Variants in ARMCX3 observed in about 807,000 individuals in gnomAD.
ARMCX3 encodes the protein armadillo repeat-containing X-linked protein 3.
In ARMCX3, 3 loss-of-function variants were observed where a neutral mutation model predicts 12.6. That is an observed-to-expected ratio of 0.24 (90% CI 0.11 to 0.61). The LOEUF is 0.61. Among genes scored for constraint, ARMCX3 ranks in the 20% least tolerant of loss-of-function variants. The probability of loss-of-function intolerance (pLI) is 0.88; values close to 1 mark genes in which losing one functional copy is unlikely to be tolerated. For synonymous variants in ARMCX3, 102 were observed against 103.1 expected (o/e 0.99, Z 0.06); for missense variants, 204 against 286.1 (o/e 0.71, Z 2.07).
rs1935983476 is a variant in ARMCX3, at chrX:101,626,066, G to C, written c.1087G>C (p.Gly363Arg). The change falls in exon 5 of 5, where the codon GGA becomes CGA. Residue 363 changes from glycine (G) to arginine (R), a missense_variant. By Grantham distance (125) the Gly-to-Arg change is moderately radical (BLOSUM62 -2). Transcript: ENST00000471229. ...HHDFLVKVKV[G>R]KFMAKLAEHM... The stretch of plus-strand genomic sequence containing the variant: ...TGATTTTTTGGTGAAAGTAAAAGTT[G>C]GAAAATTCATGGCCAAACTTGCTGA... The C allele has an allele frequency of 8.4e-7, 1 of 1,191,121 alleles. No individual in the cohort carries two copies. The highest frequency in any genetic ancestry group is 1.8e-5 in the African/African-American group (1 of 56,002).
Position 101,624,939 on chromosome X carries a change from T to G in ARMCX3, c.-41T>G, listed in dbSNP as rs1556038214. The G allele has an allele frequency of 9.3e-7, 1 of 1,079,796 alleles. No individual in the cohort carries two copies. Among genetic ancestry groups the G allele is most frequent in the African/African-American group, 1.9e-5 (1 of 53,427 alleles). The allele number at this position is 1,079,796 out of a possible 1,213,427, so 89.0% of individuals were successfully genotyped here. A position where few individuals can be genotyped will look rare whatever the true frequency, so the allele number is the denominator to read the frequency against. On this transcript the variant is annotated 5_prime_UTR_variant, in exon 5 of 5. Transcript: ENST00000471229. ...GCCTTCCTCCCCCAGCCTGAGTGAC[T>G]ACTCTATTCCTTGGTCCCTGCTATT... is the stretch of plus-strand genomic sequence containing the variant.
chrX:101,625,427 G>T lies in ARMCX3; in HGVS notation c.448G>T (p.Ala150Ser). The T allele has an allele frequency of 8.3e-7, 1 of 1,204,527 alleles. No homozygotes were observed. Among genetic ancestry groups the T allele is most frequent in the Non-Finnish European group, 1.1e-6 (1 of 892,131 alleles). ...EAALIALGNN[A>S]AYAFNRDIIR... ...AGCTTTAATTGCTCTGGGTAACAAT[G>T]CTGCTTATGCATTTAACAGAGATAT... Residue 150 changes from alanine (A) to serine (S), a missense_variant, in exon 5 of 5, where the codon GCT (alanine) becomes TCT (serine). By Grantham distance (99) the Ala-to-Ser change is moderately conservative (BLOSUM62 1). Coordinates refer to ENST00000471229, the MANE Select transcript of ARMCX3 (RefSeq NM_177947.3).
rs781968770 is a variant in ARMCX3, at chrX:101,625,825, G to A, written c.846G>A (p.Arg282=). Residue 282 remains arginine, a synonymous_variant, in exon 5 of 5, where the codon AGG becomes AGA. Transcript: ENST00000471229. Reference sequence around the variant, plus strand: ...CAGCCATGACTAGGGAACTGCTCAGGGCCCAAGTACCATCTTCACTGGGCT... The same window carrying A: ...CAGCCATGACTAGGGAACTGCTCAGAGCCCAAGTACCATCTTCACTGGGCT... The part of the protein sequence containing the change: ...ENPAMTRELL[R]AQVPSSLGSL... The A allele has an allele frequency of 7.1e-5, 85 of 1,203,239 alleles. No homozygotes were observed. The highest frequency in any genetic ancestry group is 7.3e-5 in the Non-Finnish European group (65 of 891,685).
In ARMCX3 at chrX:101,625,616, A is replaced by C; in HGVS notation, c.637A>C (p.Thr213Pro). The change falls in exon 5 of 5, where the codon ACT becomes CCT. Residue 213 changes from threonine (T) to proline (P), a missense_variant. By Grantham distance (38) the Thr-to-Pro change is conservative. Coordinates refer to ENST00000471229, the MANE Select transcript of ARMCX3 (RefSeq NM_177947.3). ...GAATCAAGTGTGTGATGACACAATCACTTCTCGCTTGAACTCATCTGTGCA... is the reference window on the plus strand; with the variant it reads ...GAATCAAGTGTGTGATGACACAATCCCTTCTCGCTTGAACTCATCTGTGCA... ...YMNQVCDDTI[T>P]SRLNSSVQLA... 2 of 1,193,218 alleles carry C rather than the reference A, an allele frequency of 1.7e-6. No homozygotes were observed. The highest frequency in any genetic ancestry group is 2.3e-6 in the Non-Finnish European group (2 of 887,492).
In ARMCX3 at chrX:101,625,305, C is replaced by T. The variant is rs782490463; in HGVS notation, c.326C>T (p.Ala109Val). 1 of 1,209,663 alleles carries T rather than the reference C, an allele frequency of 8.3e-7. No homozygotes were observed. Among genetic ancestry groups the T allele is most frequent in the South Asian group, 1.8e-5 (1 of 56,351 alleles). The change falls in exon 5 of 5, where the codon GCT becomes GTT. Residue 109 changes from alanine (A) to valine (V), a missense_variant. Ala to Val is a moderately conservative substitution (Grantham distance 64). Coordinates refer to ENST00000471229, the MANE Select transcript of ARMCX3 (RefSeq NM_177947.3). ...TRARRAVQKR[A>V]SPNSDDTVLS... is the part of the protein sequence containing the mutation. ...GCACGTCGGGCTGTCCAGAAACGGG[C>T]TTCCCCCAATTCAGATGATACCGTT... is the stretch of plus-strand genomic sequence containing the variant.
rs782061543 is a variant in ARMCX3, at chrX:101,625,153, T to C, written c.174T>C (p.Asn58=). The C allele has an allele frequency of 5.3e-5, 64 of 1,208,389 alleles. No homozygotes were observed. Among genetic ancestry groups the C allele is most frequent in the Non-Finnish European group, 6.8e-5 (61 of 895,083 alleles). The part of the protein sequence containing the change: ...DAGDCSGARY[N]DWSDDDDDSN... ...GGGACTGTTCTGGGGCCAGGTATAA[T>C]GACTGGTCTGATGATGATGATGACA... The change falls in exon 5 of 5, where the codon AAT becomes AAC. Residue 58 remains asparagine (N), a synonymous_variant. Coordinates refer to ENST00000471229, the MANE Select transcript of ARMCX3 (RefSeq NM_177947.3).
Position 101,626,336 on chromosome X carries a change from C to T in ARMCX3, c.*217C>T. The T allele has an allele frequency of 3.1e-6, 1 of 322,430 alleles. No individual in the cohort carries two copies. The highest frequency in any genetic ancestry group is 5.5e-6 in the Non-Finnish European group (1 of 182,752). 26.6% of individuals were successfully genotyped at this position (322,430 alleles called of 1,213,427 possible). ...TGAAAACATGTTTGTTGCTTTTTATCTCGCTGCCTAGATTGAAATATTTTG... is the reference window on the plus strand; with the variant it reads ...TGAAAACATGTTTGTTGCTTTTTATTTCGCTGCCTAGATTGAAATATTTTG... On this transcript the variant is annotated 3_prime_UTR_variant, in exon 5 of 5. Transcript: ENST00000471229.
In ARMCX3 at chrX:101,626,147, CA is replaced by C; in HGVS notation, c.*29del. ...CCTTGATTTTGTAATTTAGAAGCAA[CA>C]CACATTGTAAACTATTCATTTTCTC... On this transcript the variant is annotated 3_prime_UTR_variant, in exon 5 of 5. Coordinates refer to ENST00000471229, the MANE Select transcript of ARMCX3 (RefSeq NM_177947.3). 1.8e-6 allele frequency: 2 copies of C among 1,115,289 alleles called. No homozygotes were observed. Among genetic ancestry groups the C allele is most frequent in the South Asian group, 4.4e-5 (2 of 45,033 alleles). 91.9% of individuals were successfully genotyped at this position (1,115,289 alleles called of 1,213,427 possible). A position where few individuals can be genotyped will look rare whatever the true frequency, so the allele number is the denominator to read the frequency against.
In ARMCX3 at chrX:101,626,225, G is replaced by C; in HGVS notation, c.*106G>C. ...CTTTCAGCTGCCAGTTTTGAATAAT[G>C]AATATCATATTGTATCATCAATGCT... On this transcript the variant is annotated 3_prime_UTR_variant, in exon 5 of 5. Coordinates refer to ENST00000471229, the MANE Select transcript of ARMCX3 (RefSeq NM_177947.3). 1.4e-6 allele frequency: 1 copy of C among 724,477 alleles called. No homozygotes were observed. Among genetic ancestry groups the C allele is most frequent in the Middle Eastern group, 4.6e-4 (1 of 2,190 alleles). The allele number at this position is 724,477 out of a possible 1,213,427, so 59.7% of individuals were successfully genotyped here.
chrX:101,624,049 G>C (rs1434677589), intron 2 of ARMCX3, 109 bp from the exon 3 acceptor site: 1 of 112,589 alleles, frequency 8.9e-6, no homozygotes, highest in African/African-American at 3.3e-5. Flanking sequence ...GTCTGTGGTT[G>C]GGGGGAAGTG....
At position 101,626,325 on chromosome X, in the gene ARMCX3, T is replaced by C. The variant is rs1209622288; in HGVS notation, c.*206T>C. 9 of 337,185 alleles carry C rather than the reference T, an allele frequency of 2.7e-5. No homozygotes were observed. The highest frequency in any genetic ancestry group is 1.7e-4 in the Admixed American group (3 of 17,292). 27.8% of individuals were successfully genotyped at this position (337,185 alleles called of 1,213,427 possible). A position where few individuals can be genotyped will look rare whatever the true frequency, so the allele number is the denominator to read the frequency against. ...ACTACTTGTTCTGAAAACATGTTTG[T>C]TGCTTTTTATCTCGCTGCCTAGATT... is the stretch of plus-strand genomic sequence containing the variant. On this transcript the variant is annotated 3_prime_UTR_variant, in exon 5 of 5. Transcript: ENST00000471229.
rs1354794268 is a variant in ARMCX3 at position 101,623,207 on chromosome X, C to T, written c.-428C>T. ...GTCTGAGTACCAGCTCCCCACTGCC[C>T]TGAGGGCGGGCCGGCCTGCGGCGGA... On this transcript the variant is annotated 5_prime_UTR_variant, in exon 1 of 5. Transcript: ENST00000471229. The T allele has an allele frequency of 8.8e-6, 1 of 113,218 alleles. No individual in the cohort carries two copies. The highest frequency in any genetic ancestry group is 3.2e-5 in the African/African-American group (1 of 30,962). 9.3% of individuals were successfully genotyped at this position (113,218 alleles called of 1,213,427 possible). A position where few individuals can be genotyped will look rare whatever the true frequency, so the allele number is the denominator to read the frequency against.
chrX:101,625,345 G>A lies in ARMCX3; in HGVS notation c.366G>A (p.Glu122=), dbSNP rs1935969422. 8.3e-7 allele frequency: 1 copy of A among 1,209,641 alleles called. No homozygotes were observed. Among genetic ancestry groups the A allele is most frequent in the Non-Finnish European group, 1.1e-6 (1 of 895,006 alleles). Residue 122 remains glutamate, a synonymous_variant, in exon 5 of 5, where the codon GAG becomes GAA. Transcript: ENST00000471229. ...NSDDTVLSPQ[E]LQKVLCLVEM... is the part of the protein sequence containing the mutation. ...ATGATACCGTTTTGTCCCCTCAAGA[G>A]CTACAAAAGGTTCTTTGCTTGGTTG...
chrX:101,625,483 C>G lies in ARMCX3; in HGVS notation c.504C>G (p.Val168=). The change falls in exon 5 of 5, where the codon GTC becomes GTG. Residue 168 remains valine, a synonymous_variant. Coordinates refer to ENST00000471229, the MANE Select transcript of ARMCX3 (RefSeq NM_177947.3). ...GTGATCTGGGTGGTCTCCCAATTGT[C>G]GCAAAGATTCTCAATACTCGGGATC... The part of the protein sequence containing the change: ...IIRDLGGLPI[V]AKILNTRDPI... 1 of 1,209,020 alleles carries G rather than the reference C, an allele frequency of 8.3e-7. No homozygotes were observed. Among genetic ancestry groups the G allele is most frequent in the Non-Finnish European group, 1.1e-6 (1 of 894,365 alleles).
rs1935928634 is a variant in ARMCX3, at chrX:101,623,176, G to A, written c.-459G>A. ...AGAAGTCCTTCTTGTCCTGGTCGTT[G>A]TTCCCGTCTGAGTACCAGCTCCCCA... On this transcript the variant is annotated 5_prime_UTR_variant, in exon 1 of 5. Coordinates refer to ENST00000471229, the MANE Select transcript of ARMCX3 (RefSeq NM_177947.3). 6 of 112,760 alleles carry A rather than the reference G, an allele frequency of 5.3e-5. No individual in the cohort carries two copies. In the Admixed American group the frequency reaches 5.6e-4, roughly 11 times the overall value. 9.3% of individuals were successfully genotyped at this position (112,760 alleles called of 1,213,427 possible).
In ARMCX3 at chrX:101,626,896, C is replaced by T. The variant is rs1935997223; in HGVS notation, c.*777C>T. 8.1e-6 allele frequency: 1 copy of T among 123,001 alleles called. No individual in the cohort carries two copies. The highest frequency in any genetic ancestry group is 1.9e-5 in the Non-Finnish European group (1 of 53,125). 10.1% of individuals were successfully genotyped at this position (123,001 alleles called of 1,213,427 possible). A position where few individuals can be genotyped will look rare whatever the true frequency, so the allele number is the denominator to read the frequency against. On this transcript the variant is annotated 3_prime_UTR_variant, in exon 5 of 5. Transcript: ENST00000471229. ...GTTTGAATATTATCCCATTGAATAC[C>T]CAGAGCCACTAAATCTTTTTTTACT...
Position 101,626,285 on chromosome X carries a change from G to T in ARMCX3, c.*166G>T. The stretch of plus-strand genomic sequence containing the variant: ...CTGAGTTGGTCTTTAGGTTTAAGAT[G>T]GATAAATGAATATCACTACTTGTTC... On this transcript the variant is annotated 3_prime_UTR_variant, in exon 5 of 5. Transcript: ENST00000471229. 2.5e-6 allele frequency: 1 copy of T among 395,777 alleles called. No individual in the cohort carries two copies. The highest frequency in any genetic ancestry group is 4.2e-6 in the Non-Finnish European group (1 of 235,462). The allele number at this position is 395,777 out of a possible 1,213,427, so 32.6% of individuals were successfully genotyped here.
At position 101,624,882 on chromosome X, in the gene ARMCX3, T is replaced by C; in HGVS notation, c.-98T>C. On this transcript the variant is annotated 5_prime_UTR_variant, in exon 5 of 5. Transcript: ENST00000471229. Reference sequence around the variant, plus strand: ...GTGGCCTTGAAGTGGCTGAAGACGATCACCCTCCACAGGCTTGAGCCCAGT... The same window carrying C: ...GTGGCCTTGAAGTGGCTGAAGACGACCACCCTCCACAGGCTTGAGCCCAGT... 1.2e-6 allele frequency: 1 copy of C among 828,222 alleles called. No homozygotes were observed. Among genetic ancestry groups the C allele is most frequent in the Non-Finnish European group, 1.6e-6 (1 of 613,830 alleles). The allele number at this position is 828,222 out of a possible 1,213,427, so 68.3% of individuals were successfully genotyped here.
Position 101,625,168 on chromosome X carries a change from T to C in ARMCX3, c.189T>C (p.Asp63=), listed in dbSNP as rs1556038336. The C allele has an allele frequency of 3.3e-6, 4 of 1,208,733 alleles. No homozygotes were observed. Among genetic ancestry groups the C allele is most frequent in the South Asian group, 3.5e-5 (2 of 56,818 alleles). ...CCAGGTATAATGACTGGTCTGATGATGATGATGACAGCAATGAGAGCAAGA... is the reference window on the plus strand; with the variant it reads ...CCAGGTATAATGACTGGTCTGATGACGATGATGACAGCAATGAGAGCAAGA... ...SGARYNDWSD[D]DDDSNESKSI... Residue 63 remains aspartate, a synonymous_variant, in exon 5 of 5, where the codon GAT becomes GAC. Coordinates refer to ENST00000471229, the MANE Select transcript of ARMCX3 (RefSeq NM_177947.3).
Sources: allele counts gnomAD v4.1 joint callset, GRCh38; gene constraint gnomAD v4.1.1; transcripts MANE v1.5; gene names NCBI Gene and HGNC (gene_info 2026-07-23, HGNC 2026-07-21).